Variants in LY86 observed in about 807,000 individuals in gnomAD.
The protein encoded by LY86 is MD-1, RP105-associated.
In LY86, 20 loss-of-function variants were observed where a neutral mutation model predicts 17.3. That is an observed-to-expected ratio of 1.15 (90% CI 0.81 to 1.68). The LOEUF (loss-of-function observed/expected upper bound fraction) is 1.68. Ranked by LOEUF, LY86 falls within the 40% of genes most tolerant of loss-of-function variation. The probability of loss-of-function intolerance (pLI) is 0.00; values close to 1 mark genes in which losing one functional copy is unlikely to be tolerated. For missense variants in LY86, 200 were observed against 191.9 expected (o/e 1.04, Z -0.25); for synonymous variants, 74 against 70.6 (o/e 1.05, Z -0.24).
At chr6:6,590,880 A>G (rs1218919975) in intron 1 of LY86, among the ~76,000 whole-genome samples, 1 of 122,880 alleles carries the variant, frequency 8.1e-6, no homozygotes, top group African/African-American at 3.0e-5. Context: ...CACCAGGGCC[A>G]TTTGTTCAAT....
At chr6:6,622,124 A>G (rs1306860281) in intron 1 of LY86, among the ~76,000 whole-genome samples, 1 of 152,222 alleles carries the variant, frequency 6.6e-6, no homozygotes, top group Non-Finnish European at 1.5e-5. Context: ...GCTTTTATAT[A>G]CATATCCTCA....
intron 3 of LY86, among the ~76,000 whole-genome samples, chr6:6,637,722 C>T (rs1262409899): frequency 2.0e-5 from 3 of 152,108 alleles, no homozygotes; most frequent in African/African-American, 7.2e-5. Context: ...GTGTGAGAAA[C>T]GCAGCCCTCT....
At chr6:6,621,110 C>T (rs1256428328) in intron 1 of LY86, 1 of 152,198 alleles carries the variant, frequency 6.6e-6, no homozygotes, top group Non-Finnish European at 1.5e-5. Context: ...CACATAGAGG[C>T]CAAGGAAGAA....
At position 6,654,856 on chromosome 6, in the gene LY86, GT is replaced by G; in HGVS notation, c.*230del. The G allele has an allele frequency of 5.7e-6, 3 of 522,804 alleles. No homozygotes were observed. The highest frequency in any genetic ancestry group is 6.8e-6 in the Non-Finnish European group (2 of 295,488). The allele number at this position is 522,804 out of a possible 1,614,324, so 32.4% of individuals were successfully genotyped here. On this transcript the variant is annotated 3_prime_UTR_variant, in exon 5 of 5. Coordinates refer to ENST00000230568, the MANE Select transcript of LY86 (RefSeq NM_004271.4). ...TCTGTTTCTAAGGAGCCTCTTGGCA[GT>G]CCTTAAGCAGTCTTGAGGGTCCATC...
At chr6:6,625,665 G>A (rs1761772375) in intron 2 of LY86, among the ~76,000 whole-genome samples, 1 of 152,170 alleles carries the variant, frequency 6.6e-6, no homozygotes, top group Admixed American at 6.5e-5. Flanking sequence ...AGAAATGGAG[G>A]GAACATTCAT....
intron 1 of LY86, among the ~76,000 whole-genome samples, chr6:6,612,313 G>T (rs555006177): frequency 6.6e-6 from 1 of 152,192 alleles, no homozygotes; most frequent in East Asian, 1.9e-4. Context: ...GCTAACTTCA[G>T]GCGTGAAACT....
intron 1 of LY86, among the ~76,000 whole-genome samples, chr6:6,601,874 A>G (rs191845642): frequency 3.0e-4 from 46 of 152,304 alleles, no homozygotes; most frequent in South Asian, 1.2e-3. Context: ...TTTCAAAAGA[A>G]GCTAAAGTTC....
chr6:6,624,574 A>G (rs563371836), intron 1 of LY86, among the ~76,000 whole-genome samples: 1 of 152,332 alleles, frequency 6.6e-6, no homozygotes, highest in Admixed American at 6.5e-5. Context: ...TAAATCCGCT[A>G]TGCAATCCAT....
chr6:6,629,632 C>A (rs116774200), intron 3 of LY86, among the ~76,000 whole-genome samples: 2,084 of 152,346 alleles, frequency 0.014, 36 homozygotes, highest in African/African-American at 0.048. Flanking sequence ...CCTCTGCAAA[C>A]TGCATCTCGC....
intron 1 of LY86, among the ~76,000 whole-genome samples, chr6:6,604,331 AGC>A (rs1761023678): frequency 6.6e-6 from 1 of 152,238 alleles, no homozygotes; most frequent in Non-Finnish European, 1.5e-5. Context: ...TAAAATGTAT[AGC>A]TTCTTTAATT....
At chr6:6,599,893 C>T (rs144193614) in intron 1 of LY86, among the ~76,000 whole-genome samples, 2 of 152,298 alleles carry the variant, frequency 1.3e-5, no homozygotes, top group South Asian at 2.1e-4. Context: ...AAAACCATCA[C>T]ATGAAGCAAA....
At chr6:6,607,791 T>A (rs561906111) in intron 1 of LY86, among the ~76,000 whole-genome samples, 1 of 151,702 alleles carries the variant, frequency 6.6e-6, no homozygotes, top group South Asian at 2.1e-4. Flanking sequence ...TCCCAGCTAC[T>A]CGGGAGGTTG....
chr6:6,633,395 T>G (rs573423742), intron 3 of LY86, among the ~76,000 whole-genome samples: 11 of 152,316 alleles, frequency 7.2e-5, no homozygotes, highest in Non-Finnish European at 5.9e-5. Flanking sequence ...TGTTTTATAT[T>G]ATTTCCAACT....
chr6:6,646,299 C>T (rs141593171), intron 3 of LY86, among the ~76,000 whole-genome samples: 9 of 152,306 alleles, frequency 5.9e-5, no homozygotes, highest in Non-Finnish European at 7.3e-5. Context: ...GACCCCTGGA[C>T]GTGTGCTCTT....
At chr6:6,608,781 C>T (rs919683704) in intron 1 of LY86, among the ~76,000 whole-genome samples, 16 of 152,338 alleles carry the variant, frequency 1.1e-4, no homozygotes, top group African/African-American at 3.4e-4. Context: ...TGCTGTGAAG[C>T]AGAAGAAACT....
chr6:6,614,918 G>T (rs1030716836), intron 1 of LY86, among the ~76,000 whole-genome samples: 9 of 152,128 alleles, frequency 5.9e-5, no homozygotes, highest in Admixed American at 5.2e-4. Flanking sequence ...CATGAAAAAA[G>T]AGGGAGAGGC....
At chr6:6,644,176 G>A (rs1254074639) in intron 3 of LY86, among the ~76,000 whole-genome samples, 2 of 152,238 alleles carry the variant, frequency 1.3e-5, no homozygotes, top group Non-Finnish European at 2.9e-5. Context: ...AAGAGTTCAT[G>A]CAGTCAGCAG....
intron 1 of LY86, among the ~76,000 whole-genome samples, chr6:6,611,999 A>G (rs1761356359): frequency 6.6e-6 from 1 of 150,856 alleles, no homozygotes. Context: ...CTGAGTACTG[A>G]ACACTATGAA....
At chr6:6,650,519 GA>G (rs1762172512) in intron 4 of LY86, among the ~76,000 whole-genome samples, 1 of 152,050 alleles carries the variant, frequency 6.6e-6, no homozygotes, top group African/African-American at 2.4e-5. Context: ...ATTTTTAGTA[GA>G]AACAGGGTTT....
Sources: gnomAD v4.1 joint callset for allele counts (sites outside exome capture counted in the v4.1 genomes callset) on GRCh38, gnomAD v4.1.1 for gene constraint, MANE v1.5 for transcripts, NCBI Gene and HGNC (gene_info 2026-07-23, HGNC 2026-07-21) for gene names.